The following ALOX15 variants were observed in gnomAD, a reference collection of about 807,000 sequenced individuals.
ALOX15 encodes the protein polyunsaturated fatty acid lipoxygenase ALOX15.
Under a neutral mutation model 71.7 loss-of-function variants are expected in ALOX15, and 68 were observed. That is an observed-to-expected ratio of 0.95 (90% CI 0.78 to 1.16). ALOX15 has a LOEUF of 1.16. ALOX15 is among the 50% of genes most tolerant of loss of function. ALOX15 has a pLI of 0.00. For synonymous variants in ALOX15, 346 were observed against 333.3 expected, an observed-to-expected ratio of 1.04 and a Z score of -0.42; for missense variants, 798 against 818.8, an observed-to-expected ratio of 0.97 and a Z score of 0.31.
chr17:4,636,696 C>T (rs1911112913), intron 7 of ALOX15, among the ~76,000 whole-genome samples: 2 of 152,220 alleles, frequency 1.3e-5, no homozygotes, highest in Admixed American at 6.5e-5. Context: ...CCACCTCATA[C>T]TCCTTAGCCT....
chr17:4,641,346 G>A (rs11568075), intron 1 of ALOX15, among the ~76,000 whole-genome samples, 171 bp downstream of exon 1: 13,923 of 152,138 alleles, frequency 0.092, 802 homozygotes, highest in East Asian at 0.15. Flanking sequence ...GTGTGCCACC[G>A]ACTGCCCTAA....
chr17:4,640,449 C>T (rs1271458778), intron 1 of ALOX15, among the ~76,000 whole-genome samples: 2 of 146,034 alleles, frequency 1.4e-5, no homozygotes, highest in African/African-American at 5.4e-5. Context: ...GAATGAGGGG[C>T]GCTCAGGAGC....
chr17:4,631,554 T>G lies in ALOX15; in HGVS notation c.*46A>C. The stretch of plus-strand genomic sequence containing the variant: ...GGCTATAACCACGAAGGGGTCAGCT[T>G]GTGGCTTGGGTGATGGGGGCTGAAA... On this transcript the variant is annotated 3_prime_UTR_variant, in exon 14 of 14. Transcript: ENST00000293761. The G allele has an allele frequency of 1.9e-6, 3 of 1,604,846 alleles. No homozygotes were observed. The highest frequency in any genetic ancestry group is 8.5e-7 in the Non-Finnish European group (1 of 1,176,810).
Position 4,637,211 on chromosome 17 carries a change from C to G in ALOX15, c.855G>C (p.Lys285Asn). The G allele has an allele frequency of 6.2e-7, 1 of 1,613,938 alleles. No individual in the cohort carries two copies. The highest frequency in any genetic ancestry group is 8.5e-7 in the Non-Finnish European group (1 of 1,179,874). ...GCTGGCTACAGAGAATGACGTTGGC[C>G]TTGATCCCATCCAGCAGGGAGAAGT... ...EADFSLLDGI[K>N]ANVILCSQQH... Residue 285 changes from lysine to asparagine, a missense_variant, in exon 7 of 14, where the codon AAG becomes AAC. Around this residue, in one of 3 missense-constraint regions of ALOX15, gnomAD observed 490 missense variants for 509.4 expected, o/e 0.96. Transcript: ENST00000293761.
chr17:4,641,622 A>G lies in ALOX15; in HGVS notation c.30T>C (p.Thr10=), dbSNP rs370411208. 3.2e-5 allele frequency: 51 copies of G among 1,613,600 alleles called. No homozygotes were observed. Among genetic ancestry groups the G allele is most frequent in the Non-Finnish European group, 5.9e-6 (7 of 1,180,014 alleles). MGLYRIRVS[T]GASLYAGSNN... ...TGGAACCGGCATAGAGCGAGGCCCC[A>G]GTGGACACGCGGATGCGGTAGAGAC... The change falls in exon 1 of 14, where the codon ACT becomes ACC. Residue 10 remains threonine, a synonymous_variant. Coordinates refer to ENST00000293761, the MANE Select transcript of ALOX15 (RefSeq NM_001140.5).
intron 7 of ALOX15, 129 bp from the exon 8 acceptor site, chr17:4,636,097 C>G (rs7217186): frequency 1.0e-6 from 1 of 961,988 alleles, no homozygotes; most frequent in Admixed American, 2.3e-5. Context: ...TCACTCCTGC[C>G]GCTCCCTACG....
At position 4,635,978 on chromosome 17, in the gene ALOX15, G is replaced by A; in HGVS notation, c.952-10C>T. On this transcript the variant is annotated splice_polypyrimidine_tract_variant and intron_variant, in intron 7 of 13. Transcript: ENST00000293761. ...TGCGGGGCAGCTGGAGCTGGAGCAG[G>A]GACAAGTGTGGGGAGAGAAGGCATG... The A allele has an allele frequency of 1.9e-6, 3 of 1,612,864 alleles. No individual in the cohort carries two copies. Among genetic ancestry groups the A allele is most frequent in the Non-Finnish European group, 2.5e-6 (3 of 1,179,830 alleles).
At chr17:4,635,409 G>C (rs1194074422) in intron 8 of ALOX15, among the ~76,000 whole-genome samples, 3 of 149,194 alleles carry the variant, frequency 2.0e-5, no homozygotes, top group Non-Finnish European at 4.5e-5. Context: ...ACTCCAGTCT[G>C]GGCAAAGGGA....
At chr17:4,635,674 C>A in intron 8 of ALOX15, 85 bp downstream of exon 8, 2 of 1,309,292 alleles carry the variant, frequency 1.5e-6, no homozygotes, top group South Asian at 2.5e-5. Context: ...ACCCCGAGAC[C>A]CCACAGAGAG....
At chr17:4,632,088 C>A in intron 12 of ALOX15, 32 bp from the exon 13 acceptor site, 1 of 1,609,646 alleles carries the variant, frequency 6.2e-7, no homozygotes, top group Non-Finnish European at 8.5e-7. Context: ...GAGTCAGTGC[C>A]TACCAAGCAC....
Position 4,631,508 on chromosome 17 carries a change from G to T in ALOX15, c.*92C>A. On this transcript the variant is annotated 3_prime_UTR_variant, in exon 14 of 14. Transcript: ENST00000293761. ...CTAGGGAGGGTGGGACATGGGAAGA[G>T]GGTGGGACTTGGGAGGGCAGGGCTA... The T allele has an allele frequency of 6.8e-7, 1 of 1,475,924 alleles. No homozygotes were observed. Among genetic ancestry groups the T allele is most frequent in the Non-Finnish European group, 9.2e-7 (1 of 1,092,024 alleles). The allele number at this position is 1,475,924 out of a possible 1,614,324, so 91.4% of individuals were successfully genotyped here. A position where few individuals can be genotyped will look rare whatever the true frequency, so the allele number is the denominator to read the frequency against.
chr17:4,633,538 A>AG (rs1910990920), intron 8 of ALOX15, 38 bp from the exon 9 acceptor site: 2 of 1,549,508 alleles, frequency 1.3e-6, no homozygotes, highest in African/African-American at 2.7e-5. Context: ...GAGTCAGAGG[A>AG]GAGCTGCAAG....
Position 4,638,954 on chromosome 17 carries a change from GTCC to G in ALOX15, c.435_437del (p.Lys145_Asp146delinsAsn). ...CCCCAGCCATATTCAGAATTAACCC[GTCC>G]TTCCAGTTTCCCCACCTGTGGGGCA... On this transcript the variant is annotated inframe_deletion, in exon 4 of 14. Coordinates refer to ENST00000293761, the MANE Select transcript of ALOX15 (RefSeq NM_001140.5). 1 of 1,614,224 alleles carries G rather than the reference GTCC, an allele frequency of 6.2e-7. No homozygotes were observed. The highest frequency in any genetic ancestry group is 8.5e-7 in the Non-Finnish European group (1 of 1,180,040).
chr17:4,638,016 C>T (rs1223390589), intron 6 of ALOX15, among the ~76,000 whole-genome samples: 22 of 152,220 alleles, frequency 1.4e-4, no homozygotes, highest in African/African-American at 4.3e-4. Context: ...CCATCTTGCA[C>T]GCCCTCCCTC....
chr17:4,637,403 A>C, intron 6 of ALOX15, 145 bp from the exon 7 acceptor site: 1 of 979,322 alleles, frequency 1.0e-6, no homozygotes, highest in Non-Finnish European at 1.4e-6. Context: ...TTACTTCCTC[A>C]TATCATTTTT....
rs768910071 is a variant in ALOX15, at chr17:4,639,619, T to G, written c.148A>C (p.Lys50Gln). Residue 50 changes from lysine to glutamine, a missense_variant, in exon 2 of 14, where the codon AAG becomes CAG. By Grantham distance (53) the Lys-to-Gln change is moderately conservative (BLOSUM62 1). This residue lies in a region of ALOX15 where 300 missense variants were observed against 283.1 expected (regional missense o/e 1.06). Transcript: ENST00000293761. ...WPARGKETEL[K>Q]VEVPEYLGPL... ...CCCAGATACTCCGGTACTTCCACCT[T>G]GAGTTCTGTCTCCTGCGGGCGACAG... 6.2e-7 allele frequency: 1 copy of G among 1,612,244 alleles called. No homozygotes were observed. The highest frequency in any genetic ancestry group is 2.2e-5 in the East Asian group (1 of 44,774).
At position 4,641,546 on chromosome 17, in the gene ALOX15, C is replaced by T; in HGVS notation, c.106G>A (p.Gly36Arg). The T allele has an allele frequency of 1.2e-6, 2 of 1,613,224 alleles. No homozygotes were observed. The highest frequency in any genetic ancestry group is 1.7e-6 in the Non-Finnish European group (2 of 1,179,966). The change falls in exon 1 of 14, where the codon GGG becomes AGG. Residue 36 changes from glycine (G) to arginine (R), a missense_variant. Physicochemically the swap from Gly to Arg is moderately radical, Grantham distance 125. This residue lies in a region of ALOX15 where 300 missense variants were observed against 283.1 expected (regional missense o/e 1.06). Coordinates refer to ENST00000293761, the MANE Select transcript of ALOX15 (RefSeq NM_001140.5). ...CCCCGTGCGGGCCACAGTCGCTTCC[C>T]GAGCGCCGCCTCCCCGTGCTGGCCG... ...LVGQHGEAAL[G>R]KRLWPARGKE...
intron 1 of ALOX15, among the ~76,000 whole-genome samples, chr17:4,641,160 C>A (rs565149898): frequency 7.3e-5 from 11 of 151,410 alleles, no homozygotes; most frequent in Non-Finnish European, 1.3e-4. Context: ...AGGTAGAGAT[C>A]CAACAGCGCT....
Position 4,641,557 on chromosome 17 carries a change from T to A in ALOX15, c.95A>T (p.Glu32Val). ...VQLWLVGQHG[E>V]AALGKRLWPA... ...CCACAGTCGCTTCCCGAGCGCCGCC[T>A]CCCCGTGCTGGCCGACCAGCCACAG... Residue 32 changes from glutamate to valine, a missense_variant, in exon 1 of 14, where the codon GAG becomes GTG. Physicochemically the swap from Glu to Val is moderately radical, Grantham distance 121 (BLOSUM62 -2). Coordinates refer to ENST00000293761, the MANE Select transcript of ALOX15 (RefSeq NM_001140.5). 1 of 1,613,328 alleles carries A rather than the reference T, an allele frequency of 6.2e-7. No individual in the cohort carries two copies. Among genetic ancestry groups the A allele is most frequent in the Non-Finnish European group, 8.5e-7 (1 of 1,179,980 alleles).
Sources: gnomAD v4.1 joint callset for allele counts (sites outside exome capture counted in the v4.1 genomes callset) on GRCh38, gnomAD v4.1.1 for gene constraint, gnomAD v4.1.1 regional missense constraint, MANE v1.5 for transcripts, NCBI Gene and HGNC (gene_info 2026-07-23, HGNC 2026-07-21) for gene names.